Variants in MTMR3 observed in about 807,000 individuals in gnomAD.
The protein encoded by MTMR3 is myotubularin related protein 3, also known as phosphatidylinositol-3,5-bisphosphate 3-phosphatase MTMR3.
MTMR3 carries 32 observed loss-of-function variants against 132.4 expected under a neutral mutation model. The observed-to-expected ratio is 0.24, with a 90% CI of 0.18 to 0.32. The LOEUF is 0.32. MTMR3 is among the 10% of genes least tolerant of loss of function. MTMR3 has a pLI of 1.00. For synonymous variants in MTMR3, 556 were observed against 550.3 expected (o/e 1.01, Z -0.14); for missense variants, 1,216 against 1,489.6 (o/e 0.82, Z 3.02).
chr22:29,951,947 T>C (rs1381294515), intron 1 of MTMR3, among the ~76,000 whole-genome samples: 1 of 148,552 alleles, frequency 6.7e-6, no homozygotes, highest in Non-Finnish European at 1.5e-5. Flanking sequence ...TGTCGTGTAG[T>C]GGCTCGATCA....
chr22:29,977,728 C>A (rs2066657543), intron 3 of MTMR3, among the ~76,000 whole-genome samples: 1 of 152,168 alleles, frequency 6.6e-6, no homozygotes, highest in Non-Finnish European at 1.5e-5. Flanking sequence ...CTTACTCTTG[C>A]CCCAGTTATT....
chr22:30,017,938 T>C lies in MTMR3; in HGVS notation c.1686T>C (p.Pro562=). ...YSSQSEAVLY[P]VCHVRNLMLW... ...TCCCCCCTCCTCAGGTGCTGTACCC[T>C]GTGTGCCATGTGCGTAACCTGATGC... The change falls in exon 16 of 20, where the codon CCT becomes CCC. Residue 562 remains proline, a synonymous_variant. Coordinates refer to ENST00000401950, the MANE Select transcript of MTMR3 (RefSeq NM_021090.4). The C allele has an allele frequency of 2.5e-6, 4 of 1,613,552 alleles. No homozygotes were observed. The highest frequency in any genetic ancestry group is 3.4e-6 in the Non-Finnish European group (4 of 1,179,798).
At chr22:29,931,148 CT>C (rs1237503767) in intron 1 of MTMR3, among the ~76,000 whole-genome samples, 1 of 151,470 alleles carries the variant, frequency 6.6e-6, no homozygotes, top group Admixed American at 6.6e-5. Flanking sequence ...ATAAGTAAAA[CT>C]TTTTGTGTTA....
chr22:29,958,343 T>G (rs192647223), intron 2 of MTMR3, among the ~76,000 whole-genome samples: 130 of 152,302 alleles, frequency 8.5e-4, no homozygotes, highest in Non-Finnish European at 1.3e-3. Flanking sequence ...GATCATTTCC[T>G]TGTTCAGGAA....
chr22:29,956,257 G>GT (rs1032134790), intron 1 of MTMR3, among the ~76,000 whole-genome samples: 12 of 151,788 alleles, frequency 7.9e-5, no homozygotes, highest in Admixed American at 4.6e-4. Flanking sequence ...TTTTTGTTTT[G>GT]TTTTTTTGAG....
chr22:29,896,611 CAAG>C (rs1327477898), intron 1 of MTMR3, among the ~76,000 whole-genome samples: 1 of 151,826 alleles, frequency 6.6e-6, no homozygotes, highest in Non-Finnish European at 1.5e-5. Context: ...ATTTTGAACT[CAAG>C]AAAATCACTT....
intron 1 of MTMR3, among the ~76,000 whole-genome samples, chr22:29,940,581 T>C (rs923914052): frequency 6.7e-6 from 1 of 149,884 alleles, no homozygotes; most frequent in African/African-American, 2.5e-5. Context: ...CTTTTTTTTT[T>C]CCTCCTGAAT....
intron 1 of MTMR3, among the ~76,000 whole-genome samples, chr22:29,915,556 G>C (rs2065292705): frequency 6.6e-6 from 1 of 152,048 alleles, no homozygotes; most frequent in Non-Finnish European, 1.5e-5. Context: ...TGAGGAGCTG[G>C]GATTACAGGC....
intron 1 of MTMR3, among the ~76,000 whole-genome samples, chr22:29,940,032 C>T (rs1178138084): frequency 1.3e-5 from 2 of 152,184 alleles, no homozygotes; most frequent in East Asian, 3.9e-4. Flanking sequence ...CTTCGGGAGG[C>T]CGAGGTGGGC....
intron 1 of MTMR3, among the ~76,000 whole-genome samples, chr22:29,940,017 C>T (rs1375557841): frequency 6.6e-6 from 1 of 152,170 alleles, no homozygotes; most frequent in Non-Finnish European, 1.5e-5. Flanking sequence ...CCTGTAATCC[C>T]AGCACTTCGG....
At chr22:29,954,257 T>A (rs1323552072) in intron 1 of MTMR3, among the ~76,000 whole-genome samples, 1 of 151,566 alleles carries the variant, frequency 6.6e-6, no homozygotes, top group Non-Finnish European at 1.5e-5. Flanking sequence ...AATTAAAAAA[T>A]TTTATTTTAT....
chr22:30,019,883 G>C lies in MTMR3; in HGVS notation c.2224G>C (p.Asp742His). 2 of 1,614,204 alleles carry C rather than the reference G, an allele frequency of 1.2e-6. No homozygotes were observed. The highest frequency in any genetic ancestry group is 1.7e-6 in the Non-Finnish European group (2 of 1,180,036). The change falls in exon 17 of 20, where the codon GAC becomes CAC. Residue 742 changes from aspartate to histidine, a missense_variant. This residue lies in a region of MTMR3 where 852 missense variants were observed against 852.0 expected (regional missense o/e 1.00). Coordinates refer to ENST00000401950, the MANE Select transcript of MTMR3 (RefSeq NM_021090.4). ...PEASAIGLHQDPELGDAALRS... is the reference protein window; with the variant it reads ...PEASAIGLHQHPELGDAALRS... ...GGCCTCAGCCATTGGACTTCACCAA[G>C]ACCCAGAACTGGGTGATGCTGCTCT...
intron 1 of MTMR3, among the ~76,000 whole-genome samples, chr22:29,949,568 T>G (rs1231294902): frequency 6.7e-6 from 1 of 149,254 alleles, no homozygotes. Context: ...CATTCCACAT[T>G]TCTGGCCTTT....
intron 1 of MTMR3, among the ~76,000 whole-genome samples, chr22:29,936,050 C>T (rs960080230): frequency 1.3e-5 from 2 of 148,922 alleles, no homozygotes; most frequent in Admixed American, 1.3e-4. Context: ...CTGTGCCCGG[C>T]CTCCATGCCC....
At chr22:29,967,366 T>C (rs2066448749) in intron 2 of MTMR3, among the ~76,000 whole-genome samples, 1 of 151,630 alleles carries the variant, frequency 6.6e-6, no homozygotes, top group South Asian at 2.1e-4. Flanking sequence ...GCCTCCCAAG[T>C]GGCTAGGACT....
Position 29,992,122 on chromosome 22 carries a change from C to G in MTMR3, c.460+452C>G, listed in dbSNP as rs1404233034. The G allele has an allele frequency of 1.9e-4, 29 of 153,768 alleles. No homozygotes were observed. In the Admixed American group the frequency reaches 1.9e-3, roughly 10 times the overall value. The allele number at this position is 153,768 out of a possible 1,614,324, so 9.5% of individuals were successfully genotyped here. ...TGAGACGGAGTTTCGCTCTTGTTGC[C>G]CAGGCTGGAGTGCAATGGCTCAATC... On this transcript the variant is annotated intron_variant, in intron 7 of 19. Transcript: ENST00000401950.
rs547099991 is a variant in MTMR3, at chr22:29,985,816, A to C, written c.211-2664A>C. 3 of 152,250 alleles carry C rather than the reference A, an allele frequency of 2.0e-5. No individual in the cohort carries two copies. The East Asian group carries it at 5.8e-4, about 29-fold the overall frequency. 9.4% of individuals were successfully genotyped at this position (152,250 alleles called of 1,614,324 possible). On this transcript the variant is annotated intron_variant, in intron 5 of 19. Transcript: ENST00000401950. ...TTTCTTCAATTTAAGATGTTAAAAT[A>C]TAGAAAAAAATATGTATATATTGCC...
At chr22:29,894,570 G>A (rs536246726) in intron 1 of MTMR3, among the ~76,000 whole-genome samples, 2 of 151,882 alleles carry the variant, frequency 1.3e-5, no homozygotes, top group South Asian at 4.2e-4. Flanking sequence ...ATGGAGTTGT[G>A]GCAACTCAGA....
intron 1 of MTMR3, among the ~76,000 whole-genome samples, chr22:29,955,930 T>C (rs914869408): frequency 1.3e-5 from 2 of 152,058 alleles, no homozygotes; most frequent in Non-Finnish European, 2.9e-5. Context: ...TTTTGTATTT[T>C]TAGTAGAGCT....
Sources: gnomAD v4.1 joint callset for allele counts (sites outside exome capture counted in the v4.1 genomes callset) on GRCh38, gnomAD v4.1.1 for gene constraint, gnomAD v4.1.1 regional missense constraint, MANE v1.5 for transcripts, NCBI Gene and HGNC (gene_info 2026-07-23, HGNC 2026-07-21) for gene names.